Variants in MLH3 observed in about 807,000 individuals in gnomAD.
The protein encoded by MLH3 is mutL homolog 3, also known as DNA mismatch repair protein Mlh3.
A neutral mutation model predicts 122.2 loss-of-function variants in MLH3; 82 were observed. The observed-to-expected ratio is 0.67, with a 90% CI of 0.56 to 0.81. MLH3 has a LOEUF of 0.81. Ranked by LOEUF, MLH3 falls within the 30% of genes least tolerant of loss-of-function variation. The probability of loss-of-function intolerance (pLI) is 0.00; values close to 1 mark genes in which losing one functional copy is unlikely to be tolerated. For synonymous variants in MLH3, 524 were observed against 599.5 expected (o/e 0.87, Z 1.84); for missense variants, 1,539 against 1,714.5 (o/e 0.90, Z 1.81).
At chr14:75,021,992 T>C (rs1890308579) in intron 11 of MLH3, among the ~76,000 whole-genome samples, 1 of 152,214 alleles carries the variant, frequency 6.6e-6, no homozygotes, top group Non-Finnish European at 1.5e-5. Context: ...TGGAATACTA[T>C]GTCGCCATAA....
At chr14:75,023,339 G>T (rs1367670061) in intron 9 of MLH3, among the ~76,000 whole-genome samples, 1 of 152,184 alleles carries the variant, frequency 6.6e-6, no homozygotes, top group African/African-American at 2.4e-5. Flanking sequence ...CATCAGGAAG[G>T]CTTCTCACTA....
intron 9 of MLH3, among the ~76,000 whole-genome samples, chr14:75,026,544 C>G (rs1420966567): frequency 6.6e-6 from 1 of 151,978 alleles, no homozygotes; most frequent in Non-Finnish European, 1.5e-5. Context: ...AGATAAGGCC[C>G]AGTAGATATC....
chr14:75,039,871 ATATATATATATT>A (rs1891705586), intron 5 of MLH3, 28 bp downstream of exon 5: 3 of 324,396 alleles, frequency 9.2e-6, no homozygotes, highest in Non-Finnish European at 1.7e-5. Context: ...ATATATATAT[ATATATATATATT>A]TATGAGATTT....
At chr14:75,036,417 C>T (rs375733398) in intron 6 of MLH3, among the ~76,000 whole-genome samples, 7 of 151,740 alleles carry the variant, frequency 4.6e-5, no homozygotes, top group African/African-American at 7.3e-5. Context: ...GCGATCTTGG[C>T]GCACTGCAAC....
chr14:75,017,045 A>G lies in MLH3; in HGVS notation c.*37T>C. Reference sequence around the variant, plus strand: ...CTCTCTGCTCAGAGGCATACAGTGAACATCCCTTTGTTCCTTTTAGACCAG... The same window carrying G: ...CTCTCTGCTCAGAGGCATACAGTGAGCATCCCTTTGTTCCTTTTAGACCAG... On this transcript the variant is annotated 3_prime_UTR_variant, in exon 13 of 13. Transcript: ENST00000355774. 6.2e-7 allele frequency: 1 copy of G among 1,610,602 alleles called. No individual in the cohort carries two copies. The highest frequency in any genetic ancestry group is 8.5e-7 in the Non-Finnish European group (1 of 1,177,740).
Position 75,049,455 on chromosome 14 carries a change from C to G in MLH3, c.201G>C (p.Glu67Asp), listed in dbSNP as rs771298368. Residue 67 changes from glutamate to aspartate, a missense_variant, in exon 2 of 13, where the codon GAG (glutamate) becomes GAC (aspartate). Physicochemically the swap from Glu to Asp is conservative, Grantham distance 45. Coordinates refer to ENST00000355774, the MANE Select transcript of MLH3 (RefSeq NM_001040108.2). ...NGFGMGSDDV[E>D]KVGNRYFTSK... Reference sequence around the variant, plus strand: ...TGGTGAAATAACGATTTCCCACTTTCTCTACATCATCACTCCCCATCCCAA... The same window carrying G: ...TGGTGAAATAACGATTTCCCACTTTGTCTACATCATCACTCCCCATCCCAA... 1.9e-6 allele frequency: 3 copies of G among 1,614,138 alleles called. No individual in the cohort carries two copies. Among genetic ancestry groups the G allele is most frequent in the Non-Finnish European group, 2.5e-6 (3 of 1,180,036 alleles).
chr14:75,028,440 C>A (rs769726157), intron 9 of MLH3, among the ~76,000 whole-genome samples: 1 of 137,324 alleles, frequency 7.3e-6, no homozygotes, highest in African/African-American at 2.8e-5. Context: ...TTTTTTGAGA[C>A]GGAGTCTTAC....
intron 12 of MLH3, among the ~76,000 whole-genome samples, chr14:75,017,609 A>T (rs1889976427): frequency 6.6e-6 from 1 of 152,216 alleles, no homozygotes; most frequent in Non-Finnish European, 1.5e-5. Flanking sequence ...TAATCTGTTT[A>T]GATTTCTAAC....
Position 75,047,654 on chromosome 14 carries a change from G to A in MLH3, c.2002C>T (p.Gln668Ter). The change falls in exon 2 of 13, where the codon CAA (glutamine) becomes TAA (stop). Residue 668 changes from glutamine (Q) to a stop codon, truncating the protein, a stop_gained. Coordinates refer to ENST00000355774, the MANE Select transcript of MLH3 (RefSeq NM_001040108.2). LOFTEE classifies it high-confidence loss of function. ...LASTLSKESG[Q>*]LPNKKNCRTN... ...CTGCAATTTTTTTTGTTGGGCAATT[G>A]ACCAGATTCTTTACTTAAAGTGCTG... 6.2e-7 allele frequency: 1 copy of A among 1,613,904 alleles called. No individual in the cohort carries two copies. The highest frequency in any genetic ancestry group is 8.5e-7 in the Non-Finnish European group (1 of 1,179,916).
At chr14:75,033,748 T>G (rs1167378806) in intron 6 of MLH3, among the ~76,000 whole-genome samples, 2 of 152,196 alleles carry the variant, frequency 1.3e-5, no homozygotes, top group Non-Finnish European at 2.9e-5. Flanking sequence ...TCCTTTATAC[T>G]CTTGCCCCCA....
rs566653064 is a variant in MLH3 at position 75,047,459 on chromosome 14, A to C, written c.2197T>G (p.Leu733Val). The change falls in exon 2 of 13, where the codon TTA becomes GTA. Residue 733 changes from leucine (L) to valine (V), a missense_variant. Coordinates refer to ENST00000355774, the MANE Select transcript of MLH3 (RefSeq NM_001040108.2). Reference protein sequence around the residue: ...VSNDSRKTDKLIGFSKPIVRK... With the variant: ...VSNDSRKTDKVIGFSKPIVRK... ...ACGATTGGTTTGGAGAAACCAATTAATTTATCTGTTTTCCTACTATCATTG... is the reference window on the plus strand; with the variant it reads ...ACGATTGGTTTGGAGAAACCAATTACTTTATCTGTTTTCCTACTATCATTG... The C allele has an allele frequency of 1.2e-5, 19 of 1,614,142 alleles. No individual in the cohort carries two copies. The highest frequency in any genetic ancestry group is 1.6e-4 in the Middle Eastern group (1 of 6,062).
In MLH3 at chr14:75,015,853, A is replaced by G. The variant is rs1187964875; in HGVS notation, c.*1229T>C. 4.4e-6 allele frequency: 1 copy of G among 226,368 alleles called. No homozygotes were observed. 14.0% of individuals were successfully genotyped at this position (226,368 alleles called of 1,614,324 possible). A position where few individuals can be genotyped will look rare whatever the true frequency, so the allele number is the denominator to read the frequency against. On this transcript the variant is annotated 3_prime_UTR_variant, in exon 13 of 13. Coordinates refer to ENST00000355774, the MANE Select transcript of MLH3 (RefSeq NM_001040108.2). Reference sequence around the variant, plus strand: ...AAGGAACTTTTCTTCCATGAGCACGAATTGGTTTCCTGTATTAAAAAATGA... The same window carrying G: ...AAGGAACTTTTCTTCCATGAGCACGGATTGGTTTCCTGTATTAAAAAATGA...
chr14:75,023,066 T>C (rs1434118982), intron 9 of MLH3, 48 bp from the exon 10 acceptor site: 1 of 1,606,508 alleles, frequency 6.2e-7, no homozygotes, highest in Admixed American at 1.7e-5. Context: ...TATGTTTTAC[T>C]TGCCCTTTGA....
rs1017281490 is a variant in MLH3 at position 75,048,187 on chromosome 14, G to T, written c.1469C>A (p.Ser490Tyr). The change falls in exon 2 of 13, where the codon TCT (serine) becomes TAT (tyrosine). Residue 490 changes from serine (S) to tyrosine (Y), a missense_variant. Physicochemically the swap from Ser to Tyr is moderately radical, Grantham distance 144. Coordinates refer to ENST00000355774, the MANE Select transcript of MLH3 (RefSeq NM_001040108.2). Reference protein sequence around the residue: ...EAGENEKHKKSFLEHSSLENP... With the variant: ...EAGENEKHKKYFLEHSSLENP... ...TTCTAAAGAGCTATGTTCCAGGAAA[G>T]ATTTTTTATGTTTCTCATTTTCTCC... The T allele has an allele frequency of 6.2e-7, 1 of 1,613,688 alleles. No homozygotes were observed. The highest frequency in any genetic ancestry group is 8.5e-7 in the Non-Finnish European group (1 of 1,179,874).
Position 75,049,398 on chromosome 14 carries a change from A to T in MLH3, c.258T>A (p.Asn86Lys), listed in dbSNP as rs547799821. The change falls in exon 2 of 13, where the codon AAT (asparagine) becomes AAA (lysine). Residue 86 changes from asparagine to lysine, a missense_variant. Transcript: ENST00000355774. ...CTCCTCGGAAACCATAAAACCTTGGATTCTCCAAGTCCTGTACCGAGTGGC... is the reference window on the plus strand; with the variant it reads ...CTCCTCGGAAACCATAAAACCTTGGTTTCTCCAAGTCCTGTACCGAGTGGC... ...SKCHSVQDLE[N>K]PRFYGFRGEA... The T allele has an allele frequency of 6.2e-7, 1 of 1,613,906 alleles. No individual in the cohort carries two copies. The highest frequency in any genetic ancestry group is 2.2e-5 in the East Asian group (1 of 44,902).
At chr14:75,035,398 T>C (rs1277219500) in intron 6 of MLH3, among the ~76,000 whole-genome samples, 1 of 152,112 alleles carries the variant, frequency 6.6e-6, no homozygotes, top group Non-Finnish European at 1.5e-5. Context: ...GGCGGGTGCC[T>C]GTAATTCCAG....
chr14:75,027,822 T>A (rs1370299003), intron 9 of MLH3, among the ~76,000 whole-genome samples: 2 of 150,166 alleles, frequency 1.3e-5, no homozygotes, highest in Non-Finnish European at 3.0e-5. Flanking sequence ...AAAAACAAGG[T>A]GGAATTAAAG....
Position 75,042,425 on chromosome 14 carries a change from A to G in MLH3, c.3333T>C (p.Leu1111=), listed in dbSNP as rs773761844. Residue 1111 remains leucine (L), a synonymous_variant, in exon 3 of 13, where the codon CTT becomes CTC. Transcript: ENST00000355774. ...PFRSDLVLPF[L]PRARAERTVM... is the part of the protein sequence containing the mutation. ...CAGTCCTCTCTGCTCGAGCTCTCGG[A>G]AGGAAAGGAAGAACAAGGTCGCTTC... 1.9e-6 allele frequency: 3 copies of G among 1,614,206 alleles called. No homozygotes were observed. The highest frequency in any genetic ancestry group is 2.5e-6 in the Non-Finnish European group (3 of 1,180,036).
chr14:75,039,860 TA>T, intron 5 of MLH3, 50 bp downstream of exon 5: 6 of 64,940 alleles, frequency 9.2e-5, no homozygotes, highest in South Asian at 3.3e-4. Flanking sequence ...TATATATATA[TA>T]TATATATATA....
Sources: gnomAD v4.1 joint callset for allele counts (sites outside exome capture counted in the v4.1 genomes callset) on GRCh38, gnomAD v4.1.1 for gene constraint, MANE v1.5 for transcripts, NCBI Gene and HGNC (gene_info 2026-07-23, HGNC 2026-07-21) for gene names.